Variants in HIPK2 observed in about 807,000 individuals in gnomAD.
The protein encoded by HIPK2 is homeodomain interacting protein kinase 2.
A neutral mutation model predicts 113.7 loss-of-function variants in HIPK2; 27 were observed. The ratio of observed to expected loss-of-function variants is 0.24; its 90% confidence interval spans 0.17 to 0.33. HIPK2 has a LOEUF of 0.33. HIPK2 is among the 10% of genes least tolerant of loss of function. HIPK2 has a pLI of 1.00. For synonymous variants in HIPK2, 631 were observed against 642.2 expected, an observed-to-expected ratio of 0.98 and a Z score of 0.26; for missense variants, 1,257 against 1,588.0, an observed-to-expected ratio of 0.79 and a Z score of 3.54.
chr7:139,626,519 G>A, intron 6 of HIPK2, 82 bp downstream of exon 6: 3 of 1,456,432 alleles, frequency 2.1e-6, no homozygotes, highest in Non-Finnish European at 2.8e-6. Flanking sequence ...AAGACCTTAT[G>A]GCCGCAAAAC....
intron 1 of HIPK2, among the ~76,000 whole-genome samples, chr7:139,725,989 G>A (rs1207770134): frequency 1.3e-5 from 2 of 152,196 alleles, no homozygotes; most frequent in Non-Finnish European, 2.9e-5. Context: ...GCTGATAAGT[G>A]AAGGAAGACA....
intron 9 of HIPK2, among the ~76,000 whole-genome samples, chr7:139,608,773 A>G (rs1799716081): frequency 6.6e-6 from 1 of 152,252 alleles, no homozygotes; most frequent in Non-Finnish European, 1.5e-5. Flanking sequence ...ACAGGCAGAC[A>G]GCAGGACAAT....
intron 13 of HIPK2, among the ~76,000 whole-genome samples, chr7:139,582,646 A>C: frequency 6.6e-6 from 1 of 152,246 alleles, no homozygotes; most frequent in Non-Finnish European, 1.5e-5. Context: ...AATGTCGGAA[A>C]GGGTGATGCT....
At chr7:139,596,618 A>G in intron 12 of HIPK2, 99 bp downstream of exon 12, 1 of 1,482,234 alleles carries the variant, frequency 6.7e-7, no homozygotes, top group Admixed American at 1.8e-5. Context: ...GGGTCAGAAG[A>G]GAGGGATCCT....
At position 139,567,885 on chromosome 7, in the gene HIPK2, G is replaced by C. The variant is rs929207731; in HGVS notation, c.*5042C>G. The C allele has an allele frequency of 6.6e-6, 1 of 152,282 alleles. No individual in the cohort carries two copies. Among genetic ancestry groups the C allele is most frequent in the African/African-American group, 2.4e-5 (1 of 41,458 alleles). 9.4% of individuals were successfully genotyped at this position (152,282 alleles called of 1,614,324 possible). On this transcript the variant is annotated 3_prime_UTR_variant, in exon 15 of 15. Coordinates refer to ENST00000406875, the MANE Select transcript of HIPK2 (RefSeq NM_022740.5). ...GGTCCCACACCCCACCCTGCCCTCA[G>C]CATCAGACAAAGAGAACCTGGGACA...
At chr7:139,775,772 C>T (rs758584725) in intron 1 of HIPK2, among the ~76,000 whole-genome samples, 1 of 152,168 alleles carries the variant, frequency 6.6e-6, no homozygotes, top group Non-Finnish European at 1.5e-5. Context: ...CAAGTCTCAG[C>T]CTCGGGGGCA....
chr7:139,584,478 C>T (rs1038234801), intron 12 of HIPK2, among the ~76,000 whole-genome samples: 8 of 152,172 alleles, frequency 5.3e-5, no homozygotes. Flanking sequence ...AACCTGGGGA[C>T]CTGGGTTAGG....
intron 2 of HIPK2, among the ~76,000 whole-genome samples, chr7:139,684,990 G>A (rs28797003): frequency 0.097 from 14,702 of 152,132 alleles, 1,360 homozygotes; most frequent in African/African-American, 0.25. Context: ...TAAGAGAGGT[G>A]AGGAAATTGT....
intron 2 of HIPK2, among the ~76,000 whole-genome samples, chr7:139,702,614 G>A (rs1263650797): frequency 6.6e-6 from 1 of 152,190 alleles, no homozygotes; most frequent in East Asian, 1.9e-4. Flanking sequence ...GGTTGCCACA[G>A]GGGAAAGCTG....
At chr7:139,703,767 C>G (rs1014542123) in intron 2 of HIPK2, among the ~76,000 whole-genome samples, 1 of 99,952 alleles carries the variant, frequency 1.0e-5, no homozygotes, top group Non-Finnish European at 2.0e-5. Flanking sequence ...CACACACCCA[C>G]ACACTACACC....
At chr7:139,744,114 A>G (rs561055120) in intron 1 of HIPK2, among the ~76,000 whole-genome samples, 1 of 152,374 alleles carries the variant, frequency 6.6e-6, no homozygotes, top group African/African-American at 2.4e-5. Flanking sequence ...AACCATGTCC[A>G]CTAATGTTCA....
intron 10 of HIPK2, 124 bp from the exon 11 acceptor site, chr7:139,600,720 C>T: frequency 9.1e-7 from 1 of 1,096,106 alleles, no homozygotes; most frequent in South Asian, 1.6e-5. Context: ...AGCTGTGCAG[C>T]TGCTGAAGGG....
chr7:139,648,794 T>G (rs1236096424), intron 2 of HIPK2, among the ~76,000 whole-genome samples: 1 of 151,778 alleles, frequency 6.6e-6, no homozygotes, highest in Non-Finnish European at 1.5e-5. Flanking sequence ...TGCGGGTTTT[T>G]TTTTTCCTTT....
intron 1 of HIPK2, among the ~76,000 whole-genome samples, chr7:139,767,229 T>TG (rs1796567557): frequency 6.6e-6 from 1 of 152,244 alleles, no homozygotes; most frequent in South Asian, 2.1e-4. Context: ...TTAGAGACTC[T>TG]GGGGGTGAAA....
chr7:139,611,784 T>C (rs1799836666), intron 9 of HIPK2, among the ~76,000 whole-genome samples: 1 of 152,158 alleles, frequency 6.6e-6, no homozygotes, highest in Admixed American at 6.5e-5. Context: ...GCTCAAGTGA[T>C]CCTCTCATCT....
At chr7:139,594,628 C>G (rs758961621) in intron 12 of HIPK2, among the ~76,000 whole-genome samples, 1 of 152,320 alleles carries the variant, frequency 6.6e-6, no homozygotes, top group East Asian at 1.9e-4. Context: ...GCCATTAGAT[C>G]TCTCTAGAAA....
chr7:139,639,983 G>A (rs1585312920), intron 2 of HIPK2, among the ~76,000 whole-genome samples: 1 of 152,126 alleles, frequency 6.6e-6, no homozygotes, highest in Admixed American at 6.5e-5. Context: ...TAGGGCTGCT[G>A]GTTCCTGAAT....
At position 139,630,400 on chromosome 7, in the gene HIPK2, T is replaced by C. The variant is rs905080878; in HGVS notation, c.1347+765A>G. Among the ~76,000 whole-genome samples the C allele has an allele frequency of 6.6e-6, 1 of 152,068 alleles. No individual in the cohort carries two copies. The highest frequency in any genetic ancestry group is 1.5e-5 in the Non-Finnish European group (1 of 68,022). The stretch of plus-strand genomic sequence containing the variant: ...TATACTGGGCAAACCCGCTTCATTC[T>C]TCCTTTTCTTTTTTTGAGACACAGT... On this transcript the variant is annotated intron_variant, in intron 4 of 14. Transcript: ENST00000406875. The surrounding 1 kb of genome is among the most constrained non-coding windows in gnomAD (Gnocchi z 4.0).
chr7:139,624,927 T>G (rs980554436), intron 6 of HIPK2, among the ~76,000 whole-genome samples: 4 of 152,204 alleles, frequency 2.6e-5, no homozygotes, highest in Non-Finnish European at 5.9e-5. Context: ...ATTTCTCTGG[T>G]CAGTTTGCTC....
Sources: gnomAD v4.1 joint callset for allele counts (sites outside exome capture counted in the v4.1 genomes callset) on GRCh38, gnomAD v4.1.1 for gene constraint, Gnocchi (gnomAD v3.1) non-coding constraint, MANE v1.5 for transcripts, NCBI Gene and HGNC (gene_info 2026-07-23, HGNC 2026-07-21) for gene names.